POC1B: variants seen among roughly 807,000 people sequenced by gnomAD.
POC1B encodes POC1 centriolar protein B, also known as POC1 centriolar protein homolog B.
Under a neutral mutation model 60.6 loss-of-function variants are expected in POC1B, and 44 were observed. The ratio of observed to expected loss-of-function variants is 0.73; its 90% CI spans 0.57 to 0.93. POC1B has a LOEUF of 0.93. Ranked by LOEUF, POC1B falls within the 40% of genes least tolerant of loss-of-function variation. The pLI, the probability that POC1B is intolerant of heterozygous loss-of-function variation, is 0.00. For missense variants in POC1B, 555 were observed against 572.3 expected (o/e 0.97, Z 0.31); for synonymous variants, 180 against 198.9 (o/e 0.90, Z 0.80).
intron 4 of POC1B, among the ~76,000 whole-genome samples, chr12:89,485,553 T>A (rs1034087622): frequency 5.9e-5 from 9 of 152,196 alleles, no homozygotes; most frequent in Non-Finnish European, 1.2e-4. Context: ...ACTGATTTTT[T>A]AAAAAAAATC....
At chr12:89,507,266 CAAA>C (rs34750133) in intron 2 of POC1B, among the ~76,000 whole-genome samples, 87 of 64,044 alleles carry the variant, frequency 1.4e-3, no homozygotes, top group African/African-American at 6.0e-3. Flanking sequence ...GGCCCTGTCT[CAAA>C]AAAAAAAAAA....
Position 89,466,757 on chromosome 12 carries a change from A to G in POC1B, c.1032+13T>C, listed in dbSNP as rs1340559216. 6.9e-6 allele frequency: 11 copies of G among 1,600,602 alleles called. No homozygotes were observed. The highest frequency in any genetic ancestry group is 9.4e-6 in the Non-Finnish European group (11 of 1,172,780). On this transcript the variant is annotated intron_variant, in intron 9 of 11. Transcript: ENST00000313546. ...TACACAAAATGTAGGACAAATATGA[A>G]CAAAATACTCACTTCTACAGTCTCA...
chr12:89,459,943 A>G (rs570218517), intron 9 of POC1B: 45 of 492,890 alleles, frequency 9.1e-5, no homozygotes, highest in African/African-American at 8.0e-4. Flanking sequence ...CCCAGAAATA[A>G]AAGGTTTTCA....
intron 10 of POC1B, among the ~76,000 whole-genome samples, chr12:89,441,204 C>T (rs900695952): frequency 6.6e-6 from 1 of 152,228 alleles, no homozygotes; most frequent in Admixed American, 6.5e-5. Flanking sequence ...CATAGCTGAA[C>T]AAAAGGCAGC....
chr12:89,421,293 C>A, intron 11 of POC1B, 36 bp from the exon 12 acceptor site: 1 of 1,498,700 alleles, frequency 6.7e-7, no homozygotes, highest in South Asian at 1.2e-5. Context: ...AATGCCTGGT[C>A]CTCTGGTGGT....
At chr12:89,470,281 C>T (rs764436512) in intron 7 of POC1B, 80 bp downstream of exon 7, 106 of 839,138 alleles carry the variant, frequency 1.3e-4, no homozygotes, top group Non-Finnish European at 1.6e-4. Context: ...AATAAAGGGA[C>T]ATAAAAATGG....
chr12:89,476,378 G>C (rs901355059), intron 4 of POC1B, among the ~76,000 whole-genome samples: 3 of 152,020 alleles, frequency 2.0e-5, no homozygotes, highest in African/African-American at 7.2e-5. Flanking sequence ...GTTCATTACA[G>C]AACCAAAAAC....
chr12:89,502,342 T>C, intron 2 of POC1B: 4 of 1,612,094 alleles, frequency 2.5e-6, no homozygotes, highest in East Asian at 2.2e-5. Context: ...GAGAACACGT[T>C]TGAAACCTTT....
chr12:89,514,631 C>G (rs1015231643), intron 2 of POC1B, among the ~76,000 whole-genome samples: 1 of 152,022 alleles, frequency 6.6e-6, no homozygotes, highest in African/African-American at 2.4e-5. Flanking sequence ...TAGTCTCAAA[C>G]TCCTGACTTC....
At chr12:89,440,582 A>G (rs1565897691) in intron 10 of POC1B, among the ~76,000 whole-genome samples, 1 of 152,230 alleles carries the variant, frequency 6.6e-6, no homozygotes, top group Non-Finnish European at 1.5e-5. Flanking sequence ...TACACTTAGG[A>G]AAAAAATTTT....
At chr12:89,494,213 TTTTTTA>T (rs1869128414) in intron 3 of POC1B, among the ~76,000 whole-genome samples, 1 of 151,938 alleles carries the variant, frequency 6.6e-6, no homozygotes, top group South Asian at 2.1e-4. Flanking sequence ...CTAATTTTAT[TTTTTTA>T]TTTTTATTTT....
At chr12:89,446,222 A>T (rs1306644889) in intron 10 of POC1B, among the ~76,000 whole-genome samples, 1 of 152,204 alleles carries the variant, frequency 6.6e-6, no homozygotes, top group Non-Finnish European at 1.5e-5. Flanking sequence ...TAGAACTAGA[A>T]ATACCATTTG....
At chr12:89,417,421 T>C (rs1413130051), downstream of POC1B, among the ~76,000 whole-genome samples, 1 of 152,192 alleles carries the variant, frequency 6.6e-6, no homozygotes, top group Non-Finnish European at 1.5e-5. Flanking sequence ...TTATAAAAGT[T>C]TTCCCCTTGC....
intron 10 of POC1B, among the ~76,000 whole-genome samples, chr12:89,457,687 TG>T (rs746909969): frequency 1.8e-4 from 27 of 152,244 alleles, no homozygotes; most frequent in Non-Finnish European, 3.5e-4. Flanking sequence ...GGTGAAACCA[TG>T]TGAAGTCATT....
intron 2 of POC1B, chr12:89,521,229 G>A (rs972125899): frequency 1.5e-4 from 23 of 151,944 alleles, no homozygotes; most frequent in African/African-American, 5.1e-4. Flanking sequence ...TCAGCCTCCT[G>A]AGTAGCTGGG....
intron 10 of POC1B, among the ~76,000 whole-genome samples, chr12:89,429,701 C>G (rs541748078): frequency 1.5e-4 from 23 of 152,170 alleles, no homozygotes; most frequent in Non-Finnish European, 2.2e-4. Flanking sequence ...CCAAATCCCC[C>G]ACAATGCCTG....
chr12:89,409,305 T>C, the POC1B span, among the ~76,000 whole-genome samples: 3 of 152,244 alleles, frequency 2.0e-5, no homozygotes, highest in South Asian at 2.1e-4. Flanking sequence ...TTGTATAAGA[T>C]GTAAGGAAGG....
the POC1B span, among the ~76,000 whole-genome samples, chr12:89,407,422 A>T: frequency 1.9e-4 from 29 of 151,790 alleles, no homozygotes; most frequent in Non-Finnish European, 2.6e-4. Context: ...TTTTTAGTAG[A>T]GACGGGGGTT....
chr12:89,485,187 T>C lies in POC1B; in HGVS notation c.452+6749A>G, dbSNP rs150573549. On this transcript the variant is annotated intron_variant, in intron 4 of 11. Transcript: ENST00000313546. ...TTCAGGTATAGAGTGAAAATAGGAC[T>C]TCTAGTCCTGCACATCTTTGAGAGT... 9.8e-5 allele frequency: 15 copies of C among 152,334 alleles called. No homozygotes were observed. The East Asian group carries it at 2.5e-3, about 25-fold the overall frequency. 9.4% of individuals were successfully genotyped at this position (152,334 alleles called of 1,614,324 possible).
Sources: gnomAD v4.1 joint callset for allele counts (sites outside exome capture counted in the v4.1 genomes callset) on GRCh38, gnomAD v4.1.1 for gene constraint, MANE v1.5 for transcripts, NCBI Gene and HGNC (gene_info 2026-07-23, HGNC 2026-07-21) for gene names.